The following PLEKHG1 variants were observed in gnomAD, a reference collection of about 807,000 sequenced individuals.
PLEKHG1 encodes the protein pleckstrin homology domain-containing family G member 1.
In PLEKHG1, 44 loss-of-function variants were observed where a neutral mutation model predicts 100.8. The observed-to-expected ratio is 0.44, with a 90% CI of 0.34 to 0.56. The LOEUF is 0.56. Ranked by LOEUF, PLEKHG1 falls within the 20% of genes least tolerant of loss-of-function variation. PLEKHG1 has a pLI of 0.01. For missense variants in PLEKHG1, 1,545 were observed against 1,720.9 expected, an observed-to-expected ratio of 0.90 and a Z score of 1.81; for synonymous variants, 640 against 662.5, an observed-to-expected ratio of 0.97 and a Z score of 0.52.
At chr6:150,784,806 A>C (rs1018586752) in intron 3 of PLEKHG1, among the ~76,000 whole-genome samples, 1 of 152,234 alleles carries the variant, frequency 6.6e-6, no homozygotes, top group Non-Finnish European at 1.5e-5. Context: ...GGAAAACATG[A>C]TTCTCTAAGA....
At chr6:150,616,475 G>T (rs1469143648) in intron 1 of PLEKHG1, among the ~76,000 whole-genome samples, 2 of 152,138 alleles carry the variant, frequency 1.3e-5, no homozygotes, top group East Asian at 3.9e-4. Flanking sequence ...GCAAAGCTGG[G>T]GCTCATGTTG....
intron 3 of PLEKHG1, among the ~76,000 whole-genome samples, chr6:150,658,355 G>A (rs1214245148): frequency 1.3e-5 from 2 of 152,132 alleles, no homozygotes; most frequent in Non-Finnish European, 2.9e-5. Context: ...GTATTAAGGC[G>A]AGTATTTTCT....
At chr6:150,797,051 C>T (rs1031550634) in intron 5 of PLEKHG1, among the ~76,000 whole-genome samples, 2 of 151,924 alleles carry the variant, frequency 1.3e-5, no homozygotes, top group Non-Finnish European at 2.9e-5. Flanking sequence ...AGTGCAGTGG[C>T]GCGATCTCAG....
At chr6:150,724,997 G>T (rs1307004731) in intron 1 of PLEKHG1, among the ~76,000 whole-genome samples, 2 of 152,192 alleles carry the variant, frequency 1.3e-5, no homozygotes, top group Non-Finnish European at 2.9e-5. Flanking sequence ...ATACCTCTTA[G>T]TTTCCATTGA....
intron 3 of PLEKHG1, among the ~76,000 whole-genome samples, chr6:150,665,604 TG>T: frequency 6.6e-6 from 1 of 151,552 alleles, no homozygotes; most frequent in African/African-American, 2.4e-5. Flanking sequence ...CACTCTAGCC[TG>T]GGCAACAGAG....
At chr6:150,660,407 T>C (rs1779140044) in intron 3 of PLEKHG1, among the ~76,000 whole-genome samples, 1 of 152,212 alleles carries the variant, frequency 6.6e-6, no homozygotes, top group South Asian at 2.1e-4. Flanking sequence ...ATGATGATTA[T>C]CTTCCAGGTG....
At chr6:150,685,305 T>C (rs1436430336) in intron 3 of PLEKHG1, among the ~76,000 whole-genome samples, 1 of 152,112 alleles carries the variant, frequency 6.6e-6, no homozygotes. Context: ...AACAGAGATT[T>C]TGAAGGCCTC....
intron 1 of PLEKHG1, chr6:150,721,306 G>T (rs77752246): frequency 0.013 from 3,615 of 285,590 alleles, 34 homozygotes; most frequent in Non-Finnish European, 0.016. Context: ...GGTCGCAGGG[G>T]GGGCTTTCTT....
At chr6:150,686,598 C>G (rs951437811) in intron 3 of PLEKHG1, among the ~76,000 whole-genome samples, 2 of 152,182 alleles carry the variant, frequency 1.3e-5, no homozygotes, top group Middle Eastern at 3.2e-3. Context: ...CCTTTCTCTT[C>G]TGTTGATTGA....
rs1014435341 is a variant in PLEKHG1, at chr6:150,608,996, C to T, written c.-204+8979C>T. 4.6e-5 allele frequency among the ~76,000 whole-genome samples: 7 copies of T among 152,172 alleles called. No individual in the cohort carries two copies. The South Asian group carries it at 8.3e-4, about 18-fold the overall frequency. On this transcript the variant is annotated intron_variant, in intron 1 of 3. Transcript: ENST00000367326. ...GTCACACATAAGTTTTATTCTGTTA[C>T]TAGATGGCTGGAATAATAAACCAAC...
intron 3 of PLEKHG1, among the ~76,000 whole-genome samples, chr6:150,776,589 T>G: frequency 7.5e-6 from 1 of 133,480 alleles, no homozygotes; most frequent in Non-Finnish European, 1.5e-5. Context: ...AGTTGCACAT[T>G]ACTCACACTG....
rs78378964 is a variant in PLEKHG1, at chr6:150,601,685, G to A, written c.-204+1668G>A. Among the ~76,000 whole-genome samples the A allele has an allele frequency of 3.1e-3, 472 of 152,336 alleles. 2 individuals carry two copies. The highest frequency in any genetic ancestry group is 4.9e-3 in the Non-Finnish European group (333 of 68,046). ...GGCTTCATCCTCAAATAGGTCATCA[G>A]TAGCAGTCCACAGTCAACAGCAATG... On this transcript the variant is annotated intron_variant, in intron 1 of 3. Coordinates refer to the PLEKHG1 transcript ENST00000367326.
intron 2 of PLEKHG1, among the ~76,000 whole-genome samples, chr6:150,736,783 A>T (rs976501897): frequency 6.6e-6 from 1 of 152,076 alleles, no homozygotes; most frequent in Non-Finnish European, 1.5e-5. Flanking sequence ...AAACAAAAAC[A>T]AAAACAAAAA....
At chr6:150,618,590 C>T (rs1056842899) in intron 1 of PLEKHG1, among the ~76,000 whole-genome samples, 5 of 152,112 alleles carry the variant, frequency 3.3e-5, no homozygotes, top group African/African-American at 1.2e-4. Flanking sequence ...ACCCTAAGAG[C>T]ATAGATGATA....
exon 10 of PLEKHG1, chr6:150,809,685 A>G: frequency 6.2e-7 from 1 of 1,614,090 alleles, no homozygotes; most frequent in Non-Finnish European, 8.5e-7. Flanking sequence ...TGGGTTCTGC[A>G]CCTAAAGAGA....
chr6:150,801,934 T>A (rs1786741803), intron 6 of PLEKHG1, among the ~76,000 whole-genome samples: 1 of 152,238 alleles, frequency 6.6e-6, no homozygotes, highest in Non-Finnish European at 1.5e-5. Flanking sequence ...CCACATTCAC[T>A]GTGGCTCACA....
At chr6:150,828,362 A>G in intron 14 of PLEKHG1, 1 of 1,610,336 alleles carries the variant, frequency 6.2e-7, no homozygotes, top group Non-Finnish European at 8.5e-7. Context: ...ATGAAGAGGG[A>G]CAGCGATTCC....
chr6:150,655,791 G>A (rs1039523399), intron 3 of PLEKHG1, among the ~76,000 whole-genome samples: 4 of 149,418 alleles, frequency 2.7e-5, no homozygotes, highest in African/African-American at 9.8e-5. Flanking sequence ...ATGAGTTCAT[G>A]TCCTCTGCAG....
chr6:150,721,289 G>A (rs1583001247), intron 1 of PLEKHG1: 3 of 460,614 alleles, frequency 6.5e-6, no homozygotes, highest in South Asian at 1.8e-4. Context: ...CCACCGAGGT[G>A]AGAAGGGGTC....
Sources: allele counts gnomAD v4.1 joint callset (sites outside exome capture counted in the v4.1 genomes callset), GRCh38; gene constraint gnomAD v4.1.1; transcripts MANE v1.5; gene names NCBI Gene and HGNC (gene_info 2026-07-23, HGNC 2026-07-21).